SVEP1: variants seen among roughly 807,000 people sequenced by gnomAD.
SVEP1 encodes the protein sushi, von Willebrand factor type A, EGF and pentraxin domain-containing protein 1.
A neutral mutation model predicts 367.3 loss-of-function variants in SVEP1; 164 were observed. The ratio of observed to expected loss-of-function variants is 0.45; its 90% confidence interval spans 0.39 to 0.51. SVEP1 has a LOEUF of 0.51. Ranked by LOEUF, SVEP1 falls within the 20% of genes least tolerant of loss-of-function variation. The pLI, the probability that SVEP1 is intolerant of heterozygous loss-of-function variation, is 0.00. For synonymous variants in SVEP1, 1,666 were observed against 1,611.6 expected, an observed-to-expected ratio of 1.03 and a Z score of -0.81; for missense variants, 4,117 against 4,425.3, an observed-to-expected ratio of 0.93 and a Z score of 1.98.
intron 11 of SVEP1, among the ~76,000 whole-genome samples, chr9:110,481,867 C>A (rs1024916568): frequency 1.3e-5 from 2 of 152,058 alleles, no homozygotes; most frequent in African/African-American, 4.8e-5. Context: ...CACATGCCAC[C>A]ATGCCTGGCT....
chr9:110,501,728 T>C (rs1055462068), intron 6 of SVEP1, among the ~76,000 whole-genome samples: 5 of 152,210 alleles, frequency 3.3e-5, no homozygotes, highest in Non-Finnish European at 7.4e-5. Context: ...ATATGAGTTT[T>C]AAAACATTTT....
intron 43 of SVEP1, among the ~76,000 whole-genome samples, chr9:110,385,279 C>T (rs1827503147): frequency 6.6e-6 from 1 of 152,224 alleles, no homozygotes; most frequent in Non-Finnish European, 1.5e-5. Context: ...CCGCACCCAG[C>T]TGGCAGTGAG....
chr9:110,371,019 T>C (rs1337553697), intron 46 of SVEP1, among the ~76,000 whole-genome samples: 1 of 152,194 alleles, frequency 6.6e-6, no homozygotes, highest in East Asian at 1.9e-4. Flanking sequence ...GCTAAGCAAG[T>C]AGTAGGCACT....
Position 110,406,187 on chromosome 9 carries a change from T to A in SVEP1, c.9413A>T (p.His3138Leu), listed in dbSNP as rs1827951426. 10 of 1,595,556 alleles carry A rather than the reference T, an allele frequency of 6.3e-6. No homozygotes were observed. In the South Asian group the frequency reaches 1.1e-4, roughly 18 times the overall value. ...VANAVATGEA[H>L]TYESEVKLRC... is the part of the protein sequence containing the mutation. ...GAGTTTCACTTCACTTTCATAGGTG[T>A]GTGCCTCTCCAGTTGCCACTGCATT... is the stretch of plus-strand genomic sequence containing the variant. The change falls in exon 38 of 48, where the codon CAC becomes CTC. Residue 3138 changes from histidine (H) to leucine (L), a missense_variant. This residue lies in a region of SVEP1 where 1,765 missense variants were observed against 1,781.1 expected (regional missense o/e 0.99). Coordinates refer to ENST00000374469, the MANE Select transcript of SVEP1 (RefSeq NM_153366.4).
At chr9:110,458,863 A>T in intron 19 of SVEP1, 89 bp downstream of exon 19, 1 of 1,480,016 alleles carries the variant, frequency 6.8e-7, no homozygotes, top group Non-Finnish European at 9.1e-7. Flanking sequence ...TCCACCGAAA[A>T]TAGTAATATT....
At chr9:110,427,953 A>C (rs1318072104) in intron 35 of SVEP1, among the ~76,000 whole-genome samples, 195 bp from the exon 36 acceptor site, 1 of 152,234 alleles carries the variant, frequency 6.6e-6, no homozygotes, top group Non-Finnish European at 1.5e-5. Context: ...GAAACAATGA[A>C]TGGGTGAAAA....
rs143931457 is a variant in SVEP1 at position 110,408,009 on chromosome 9, C to T, written c.7591G>A (p.Glu2531Lys). 11,368 of 1,613,930 alleles carry T rather than the reference C, an allele frequency of 7.0e-3. 41 individuals carry two copies. The highest frequency in any genetic ancestry group is 8.0e-3 in the Non-Finnish European group (9,443 of 1,179,878). The change falls in exon 38 of 48, where the codon GAA becomes AAA. Residue 2531 changes from glutamate (E) to lysine (K), a missense_variant. By Grantham distance (56) the Glu-to-Lys change is moderately conservative. This residue lies in a region of SVEP1 where 1,765 missense variants were observed against 1,781.1 expected (regional missense o/e 0.99). Coordinates refer to ENST00000374469, the MANE Select transcript of SVEP1 (RefSeq NM_153366.4). Reference sequence around the variant, plus strand: ...AAACAGGTCAAGGCACTGGGACCTTCGAGCCGAAAGCCTCGGTTGCAAGAG... The same window carrying T: ...AAACAGGTCAAGGCACTGGGACCTTTGAGCCGAAAGCCTCGGTTGCAAGAG... ...TYSCNRGFRL[E>K]GPSALTCLET...
chr9:110,517,299 A>T (rs1829817424), intron 3 of SVEP1, among the ~76,000 whole-genome samples: 1 of 151,898 alleles, frequency 6.6e-6, no homozygotes, highest in Non-Finnish European at 1.5e-5. Context: ...ATCTCTTAAA[A>T]ATATTTTTAA....
rs1370082078 is a variant in SVEP1 at position 110,379,359 on chromosome 9, G to A, written c.10396C>T (p.Pro3466Ser). The change falls in exon 44 of 48, where the codon CCT becomes TCT. Residue 3466 changes from proline to serine, a missense_variant. Coordinates refer to ENST00000374469, the MANE Select transcript of SVEP1 (RefSeq NM_153366.4). Reference sequence around the variant, plus strand: ...AATATTTCCTTACCTCTGCAAATAGGAGGTGATGTCCATGTTCCATTTTCT... The same window carrying A: ...AATATTTCCTTACCTCTGCAAATAGAAGGTGATGTCCATGTTCCATTTTCT... ...CLENGTWTSP[P>S]ICRAVCRFPC... 2.5e-6 allele frequency: 4 copies of A among 1,613,386 alleles called. No individual in the cohort carries two copies. Among genetic ancestry groups the A allele is most frequent in the Admixed American group, 1.7e-5 (1 of 59,946 alleles).
rs777633914 is a variant in SVEP1 at position 110,366,596 on chromosome 9, A to C, written c.10695-36T>G. 1.1e-5 allele frequency: 17 copies of C among 1,518,558 alleles called. No individual in the cohort carries two copies. In the East Asian group the frequency reaches 4.1e-4, roughly 37 times the overall value. The allele number at this position is 1,518,558 out of a possible 1,614,324, so 94.1% of individuals were successfully genotyped here. Reference sequence around the variant, plus strand: ...AAAAAAAAGCAACCAAATAGATTCAAAAGAAAAAATTGAACTGAAGAGCTA... The same window carrying C: ...AAAAAAAAGCAACCAAATAGATTCACAAGAAAAAATTGAACTGAAGAGCTA... On this transcript the variant is annotated intron_variant, in intron 47 of 47. Transcript: ENST00000374469.
intron 3 of SVEP1, among the ~76,000 whole-genome samples, chr9:110,523,690 A>G (rs1008220169): frequency 6.6e-6 from 1 of 152,164 alleles, no homozygotes; most frequent in African/African-American, 2.4e-5. Flanking sequence ...GAAGGAATGT[A>G]TGTTATATCA....
chr9:110,468,408 G>T (rs1351924788), intron 17 of SVEP1, among the ~76,000 whole-genome samples: 1 of 152,182 alleles, frequency 6.6e-6, no homozygotes, highest in Non-Finnish European at 1.5e-5. Flanking sequence ...TTGGCATACT[G>T]AATATTTCAA....
chr9:110,485,096 A>G (rs1829256145), intron 9 of SVEP1, among the ~76,000 whole-genome samples: 1 of 152,230 alleles, frequency 6.6e-6, no homozygotes, highest in Admixed American at 6.5e-5. Context: ...ATATACCCAA[A>G]GGAACATAAA....
At chr9:110,534,465 T>C (rs1291040289) in intron 3 of SVEP1, among the ~76,000 whole-genome samples, 1 of 152,230 alleles carries the variant, frequency 6.6e-6, no homozygotes, top group Non-Finnish European at 1.5e-5. Flanking sequence ...GTTGTTATTA[T>C]GAATAGCGCT....
chr9:110,382,443 C>T (rs1331811078), intron 43 of SVEP1, among the ~76,000 whole-genome samples: 1 of 152,210 alleles, frequency 6.6e-6, no homozygotes, highest in Admixed American at 6.5e-5. Flanking sequence ...TGCTGTTAGT[C>T]TGATGGGCTT....
chr9:110,491,619 A>G (rs182809759), intron 8 of SVEP1, among the ~76,000 whole-genome samples: 3,904 of 112,176 alleles, frequency 0.035, 167 homozygotes, highest in African/African-American at 0.14. Flanking sequence ...GTGTGTGTGC[A>G]AATTTATCTG....
At chr9:110,400,806 T>C in intron 40 of SVEP1, 48 bp downstream of exon 40, 1 of 1,554,616 alleles carries the variant, frequency 6.4e-7, no homozygotes, top group Non-Finnish European at 8.7e-7. Context: ...TATCCCCAAG[T>C]ATATTGGAAA....
At chr9:110,485,868 C>T (rs751384420) in intron 9 of SVEP1, among the ~76,000 whole-genome samples, 1 of 152,196 alleles carries the variant, frequency 6.6e-6, no homozygotes, top group Non-Finnish European at 1.5e-5. Context: ...TGAACTGCAC[C>T]TGTGAGAATA....
At chr9:110,430,683 A>G (rs1340172483) in intron 32 of SVEP1, among the ~76,000 whole-genome samples, 4 of 152,228 alleles carry the variant, frequency 2.6e-5, no homozygotes, top group Admixed American at 1.3e-4. Flanking sequence ...AACAATATAC[A>G]TAATTTTTCT....
Sources: gnomAD v4.1 joint callset for allele counts (sites outside exome capture counted in the v4.1 genomes callset) on GRCh38, gnomAD v4.1.1 for gene constraint, gnomAD v4.1.1 regional missense constraint, MANE v1.5 for transcripts, NCBI Gene and HGNC (gene_info 2026-07-23, HGNC 2026-07-21) for gene names.